KIF26B: variants seen among roughly 807,000 people sequenced by gnomAD.
The protein encoded by KIF26B is kinesin-like protein KIF26B.
Under a neutral mutation model 151.2 loss-of-function variants are expected in KIF26B, and 63 were observed. The ratio of observed to expected loss-of-function variants is 0.42; its 90% CI spans 0.34 to 0.51. The LOEUF (loss-of-function observed/expected upper bound fraction) is 0.51, where lower values mean the gene tolerates loss of function less well. KIF26B is among the 20% of genes least tolerant of loss of function. The pLI is 0.07. For synonymous variants in KIF26B, 1,357 were observed against 1,262.1 expected, an observed-to-expected ratio of 1.08 and a Z score of -1.59; for missense variants, 2,813 against 2,913.6, an observed-to-expected ratio of 0.97 and a Z score of 0.79.
At chr1:245,670,245 CATATAT>C (rs10584392) in intron 10 of KIF26B, among the ~76,000 whole-genome samples, 8,589 of 134,592 alleles carry the variant, frequency 0.064, 267 homozygotes, top group South Asian at 0.096. Flanking sequence ...TGTGTATATC[CATATAT>C]ATATATATAT....
chr1:245,600,281 GC>G lies in KIF26B; in HGVS notation c.1351-2293del, dbSNP rs2043381610. On this transcript the variant is annotated intron_variant, in intron 5 of 14. Transcript: ENST00000407071. ...TCTCTATCTCCTGACCTTGTGATCC[GC>G]CCGCCTCGGCCTCCCAAAGTGCTGG... Among the ~76,000 whole-genome samples, 7 of 133,484 alleles carry G rather than the reference GC, an allele frequency of 5.2e-5. No individual in the cohort carries two copies. The South Asian group carries it at 1.7e-3, about 33-fold the overall frequency. The allele number at this position is 133,484 out of a possible 152,430, so 87.6% of individuals were successfully genotyped here.
At chr1:245,387,608 G>T (rs140802605) in intron 3 of KIF26B, among the ~76,000 whole-genome samples, 49 of 152,246 alleles carry the variant, frequency 3.2e-4, no homozygotes, top group African/African-American at 1.2e-3. Context: ...CGGGAGGATC[G>T]CTTGAGCCTG....
intron 4 of KIF26B, among the ~76,000 whole-genome samples, chr1:245,485,422 C>A (rs1660258524): frequency 6.9e-6 from 1 of 144,102 alleles, no homozygotes; most frequent in Admixed American, 7.2e-5. Flanking sequence ...TTCGCTCTGT[C>A]ACCCAGGCTG....
rs139086292 is a variant in KIF26B, at chr1:245,639,654, C to T, written c.2099-6467C>T. 4.5e-3 allele frequency among the ~76,000 whole-genome samples: 687 copies of T among 151,900 alleles called. 12 individuals carry two copies. Among genetic ancestry groups the T allele is most frequent in the African/African-American group, 0.016 (660 of 41,522 alleles). On this transcript the variant is annotated intron_variant, in intron 9 of 14. Transcript: ENST00000407071. ...TTTTTCTGTATCCCGTGGGTTCTGG[C>T]ATATTGTATTTCCATTTTCATTTGT...
rs147743251 is a variant in KIF26B, at chr1:245,358,197, A to G, written c.466-8637A>G. ...GGGGATTACAGGCGTGAGCCACCAT[A>G]CCCTGCCAAAATTTTACCTTTTAAA... On this transcript the variant is annotated intron_variant, in intron 2 of 14. Transcript: ENST00000407071. The surrounding 1 kb of genome is among the most constrained non-coding windows in gnomAD (Gnocchi z 4.1). 0.029 allele frequency among the ~76,000 whole-genome samples: 4,397 copies of G among 152,200 alleles called. 75 individuals carry two copies. Among genetic ancestry groups the G allele is most frequent in the Non-Finnish European group, 0.046 (3,102 of 68,004 alleles).
chr1:245,608,090 G>A (rs1029207646), intron 7 of KIF26B, among the ~76,000 whole-genome samples: 7 of 152,268 alleles, frequency 4.6e-5, no homozygotes, highest in Middle Eastern at 3.4e-3. Context: ...TTGCACCACC[G>A]CACCCATGAG....
intron 2 of KIF26B, among the ~76,000 whole-genome samples, chr1:245,211,933 C>G (rs1669542957): frequency 1.3e-5 from 2 of 152,208 alleles, no homozygotes; most frequent in Non-Finnish European, 1.5e-5. Flanking sequence ...GCAGTGGGCT[C>G]TGCCCGACTG....
chr1:245,365,467 C>A (rs1672922968), intron 2 of KIF26B, among the ~76,000 whole-genome samples: 1 of 151,790 alleles, frequency 6.6e-6, no homozygotes, highest in African/African-American at 2.4e-5. Context: ...TAATTAAGAA[C>A]CACCCCCCAA....
chr1:245,578,619 A>G (rs779335538), intron 5 of KIF26B, among the ~76,000 whole-genome samples: 1 of 152,250 alleles, frequency 6.6e-6, no homozygotes, highest in Non-Finnish European at 1.5e-5. Flanking sequence ...CTGAGAGATT[A>G]GAAGCTTTCC....
intron 2 of KIF26B, among the ~76,000 whole-genome samples, chr1:245,278,383 C>T (rs1033689587): frequency 6.6e-5 from 10 of 152,066 alleles, no homozygotes; most frequent in Non-Finnish European, 1.3e-4. Context: ...ATTAAGTATA[C>T]CCTTTATTTT....
At chr1:245,464,799 C>T (rs896487351) in intron 4 of KIF26B, among the ~76,000 whole-genome samples, 24 of 151,792 alleles carry the variant, frequency 1.6e-4, no homozygotes, top group African/African-American at 5.8e-4. Context: ...GGGACACTGA[C>T]ATGAAATCTG....
chr1:245,423,702 G>A lies in KIF26B; in HGVS notation c.1166+3957G>A, dbSNP rs192695431. Among the ~76,000 whole-genome samples the A allele has an allele frequency of 5.3e-3, 800 of 152,204 alleles. 10 individuals carry two copies. The highest frequency in any genetic ancestry group is 0.019 in the African/African-American group (771 of 41,526). Reference sequence around the variant, plus strand: ...CTTTACACGGTGTTTTCCTGTTGACGAAAAATATGTCTATCCTGGGTCTGG... The same window carrying A: ...CTTTACACGGTGTTTTCCTGTTGACAAAAAATATGTCTATCCTGGGTCTGG... On this transcript the variant is annotated intron_variant, in intron 4 of 14. Coordinates refer to ENST00000407071, the MANE Select transcript of KIF26B (RefSeq NM_018012.4).
Position 245,688,548 on chromosome 1 carries a change from G to A in KIF26B, c.5565G>A (p.Thr1855=), listed in dbSNP as rs752587041. ...TCCCGTCGCCCTACAGCAAGATCAC[G>A]CCCCCGCGGAGGCCCCACCGCTGCA... is the stretch of plus-strand genomic sequence containing the variant. The part of the protein sequence containing the change: ...HLLPSPYSKI[T]PPRRPHRCSS... The change falls in exon 12 of 15, where the codon ACG becomes ACA. Residue 1855 remains threonine (T), a synonymous_variant. Transcript: ENST00000407071. The A allele has an allele frequency of 1.9e-6, 3 of 1,542,254 alleles. No homozygotes were observed. The highest frequency in any genetic ancestry group is 1.2e-5 in the South Asian group (1 of 83,838).
At chr1:245,300,721 G>C (rs1367223925) in intron 2 of KIF26B, among the ~76,000 whole-genome samples, 2 of 151,272 alleles carry the variant, frequency 1.3e-5, no homozygotes, top group African/African-American at 2.4e-5. Context: ...TAGAGACGGG[G>C]TTTCGCCATA....
At chr1:245,586,880 G>A (rs6674571) in intron 5 of KIF26B, among the ~76,000 whole-genome samples, 1,706 of 140,000 alleles carry the variant, frequency 0.012, 42 homozygotes, top group East Asian at 0.082. Context: ...GTGACAGAGC[G>A]AGACTCCGTC....
intron 4 of KIF26B, among the ~76,000 whole-genome samples, chr1:245,459,084 G>GCCAGGAGGCAAGCCT (rs1659598017): frequency 6.6e-6 from 1 of 152,196 alleles, no homozygotes; most frequent in Non-Finnish European, 1.5e-5. Context: ...CTTGCCTCCT[G>GCCAGGAGGCAAGCCT]TGATTCAAGC....
intron 4 of KIF26B, among the ~76,000 whole-genome samples, chr1:245,466,790 G>T (rs1558177672): frequency 6.6e-6 from 1 of 152,180 alleles, no homozygotes; most frequent in Non-Finnish European, 1.5e-5. Context: ...GCAGGGCGTG[G>T]TGGTGAGTGC....
chr1:245,158,397 A>G (rs755180523), intron 2 of KIF26B, among the ~76,000 whole-genome samples: 1 of 152,246 alleles, frequency 6.6e-6, no homozygotes, highest in Admixed American at 6.5e-5. Context: ...TTTTATAGAA[A>G]CAGCCTGGAA....
rs975175011 is a variant in KIF26B, at chr1:245,606,896, C to T, written c.1558-755C>T. Among the ~76,000 whole-genome samples the T allele has an allele frequency of 6.6e-6, 1 of 151,798 alleles. No homozygotes were observed. Among genetic ancestry groups the T allele is most frequent in the Non-Finnish European group, 1.5e-5 (1 of 67,944 alleles). On this transcript the variant is annotated intron_variant, in intron 6 of 14. Coordinates refer to ENST00000407071, the MANE Select transcript of KIF26B (RefSeq NM_018012.4). This position sits in a 1 kb window ranked among gnomAD's most constrained non-coding sequence, Gnocchi z 4.6. ...TGACCAACGTGGTGAAACCCCCTCT[C>T]TACTAAAAAAATGCAAAAAATTAGC...
Sources: gnomAD v4.1 joint callset for allele counts (sites outside exome capture counted in the v4.1 genomes callset) on GRCh38, gnomAD v4.1.1 for gene constraint, Gnocchi (gnomAD v3.1) non-coding constraint, MANE v1.5 for transcripts, NCBI Gene and HGNC (gene_info 2026-07-23, HGNC 2026-07-21) for gene names.